REC114: variants seen among roughly 807,000 people sequenced by gnomAD.
The protein encoded by REC114 is meiotic recombination protein REC114.
A neutral mutation model predicts 31.3 loss-of-function variants in REC114; 27 were observed. That is an observed-to-expected ratio of 0.86 (90% CI 0.64 to 1.19). REC114 has a LOEUF of 1.19. REC114 is among the 50% of genes most tolerant of loss of function. REC114 has a pLI of 0.00. For missense variants in REC114, 344 were observed against 326.9 expected (o/e 1.05, Z -0.40); for synonymous variants, 134 against 127.7 (o/e 1.05, Z -0.33).
chr15:73,551,253 T>A (rs528269295), intron 4 of REC114, 103 bp downstream of exon 4: 1 of 1,144,074 alleles, frequency 8.7e-7, no homozygotes, highest in Admixed American at 2.3e-5. Context: ...AGGTTTGTAG[T>A]TTAAAAAACA....
intron 3 of REC114, among the ~76,000 whole-genome samples, chr15:73,546,522 A>G (rs191966980): frequency 6.6e-6 from 1 of 152,320 alleles, no homozygotes; most frequent in Non-Finnish European, 1.5e-5. Context: ...AATGAGGTAT[A>G]CTTCTATTTT....
intron 2 of REC114, among the ~76,000 whole-genome samples, chr15:73,513,436 C>G (rs1893805967): frequency 6.7e-6 from 1 of 148,782 alleles, no homozygotes; most frequent in Non-Finnish European, 1.5e-5. Context: ...AAGCCTTCTT[C>G]TCTCAGCTCG....
intron 1 of REC114, among the ~76,000 whole-genome samples, chr15:73,455,099 C>T (rs1892898372): frequency 6.6e-6 from 1 of 152,086 alleles, no homozygotes; most frequent in Non-Finnish European, 1.5e-5. Context: ...TGATCAGTTT[C>T]AGCCTAGGTC....
chr15:73,524,791 G>GT (rs1289511683), intron 2 of REC114, among the ~76,000 whole-genome samples: 1 of 152,072 alleles, frequency 6.6e-6, no homozygotes, highest in East Asian at 1.9e-4. Context: ...TAGAAATGGG[G>GT]TTTTGCCATG....
At chr15:73,486,021 C>A (rs1474004898) in intron 2 of REC114, among the ~76,000 whole-genome samples, 1 of 152,198 alleles carries the variant, frequency 6.6e-6, no homozygotes, top group African/African-American at 2.4e-5. Flanking sequence ...AACTTCAGCT[C>A]TTATGCAATA....
At chr15:73,448,497 G>A (rs560911987) in intron 1 of REC114, among the ~76,000 whole-genome samples, 1 of 152,296 alleles carries the variant, frequency 6.6e-6, no homozygotes, top group African/African-American at 2.4e-5. Flanking sequence ...CAGCAGCCCA[G>A]TCAGGGACTT....
At chr15:73,464,688 T>G (rs866527205) in intron 1 of REC114, among the ~76,000 whole-genome samples, 8 of 152,106 alleles carry the variant, frequency 5.3e-5, no homozygotes, top group African/African-American at 1.9e-4. Flanking sequence ...GAGCACATAG[T>G]CTGGTCTGCC....
At chr15:73,499,158 G>A (rs1230837256) in intron 2 of REC114, among the ~76,000 whole-genome samples, 4 of 151,938 alleles carry the variant, frequency 2.6e-5, no homozygotes, top group East Asian at 3.9e-4. Context: ...CTCTTAAGGC[G>A]TTAACACTTC....
At chr15:73,556,123 G>A (rs1894462780) in intron 4 of REC114, among the ~76,000 whole-genome samples, 179 bp from the exon 5 acceptor site, 1 of 152,238 alleles carries the variant, frequency 6.6e-6, no homozygotes, top group Admixed American at 6.5e-5. Context: ...TACTTCTGCT[G>A]TGGTAACTCA....
At chr15:73,523,862 G>A (rs1424692434) in intron 2 of REC114, among the ~76,000 whole-genome samples, 2 of 152,122 alleles carry the variant, frequency 1.3e-5, no homozygotes, top group Admixed American at 6.6e-5. Flanking sequence ...GTTAATCTTT[G>A]TGTATGATGT....
chr15:73,501,734 C>T (rs1475087703), intron 2 of REC114, among the ~76,000 whole-genome samples: 2 of 152,140 alleles, frequency 1.3e-5, no homozygotes, highest in African/African-American at 2.4e-5. Flanking sequence ...TGTGAGCCAC[C>T]ATGCCTGGCC....
chr15:73,463,445 A>G (rs111459379), intron 1 of REC114, among the ~76,000 whole-genome samples: 51 of 152,174 alleles, frequency 3.4e-4, no homozygotes, highest in Non-Finnish European at 5.6e-4. Flanking sequence ...ACATCCCCTT[A>G]TCTATTAGAG....
At chr15:73,468,919 A>C (rs1302118901) in intron 1 of REC114, among the ~76,000 whole-genome samples, 1 of 152,006 alleles carries the variant, frequency 6.6e-6, no homozygotes, top group African/African-American at 2.4e-5. Flanking sequence ...TGAGTAAATA[A>C]GAATATTTGG....
intron 2 of REC114, among the ~76,000 whole-genome samples, chr15:73,494,299 C>T (rs1016414152): frequency 6.6e-6 from 1 of 152,116 alleles, no homozygotes; most frequent in African/African-American, 2.4e-5. Flanking sequence ...GATCTCGCTA[C>T]TGCACTCCAG....
intron 4 of REC114, among the ~76,000 whole-genome samples, chr15:73,555,956 C>T (rs1732351115): frequency 6.6e-6 from 1 of 152,140 alleles, no homozygotes; most frequent in Non-Finnish European, 1.5e-5. Context: ...GCCATGGTAA[C>T]AGCACCGGGC....
At chr15:73,462,959 C>T (rs998821797) in intron 1 of REC114, among the ~76,000 whole-genome samples, 3 of 151,672 alleles carry the variant, frequency 2.0e-5, no homozygotes, top group African/African-American at 7.3e-5. Flanking sequence ...ACTTCCTTCT[C>T]ATCATGTTAT....
At chr15:73,555,092 G>T (rs1430472004) in intron 4 of REC114, among the ~76,000 whole-genome samples, 1 of 151,890 alleles carries the variant, frequency 6.6e-6, no homozygotes, top group South Asian at 2.1e-4. Context: ...CCTCTTTTTT[G>T]TTGTTGTTTG....
intron 2 of REC114, among the ~76,000 whole-genome samples, chr15:73,489,850 G>T (rs7163096): frequency 1.3e-5 from 2 of 152,088 alleles, no homozygotes; most frequent in Admixed American, 1.3e-4. Context: ...AACAACAGTG[G>T]TGGTTTATCT....
intron 1 of REC114, among the ~76,000 whole-genome samples, chr15:73,444,195 T>C (rs983098782): frequency 6.6e-6 from 1 of 152,146 alleles, no homozygotes; most frequent in Non-Finnish European, 1.5e-5. Context: ...AAGATTGGGG[T>C]TGCTGTGGCA....
Sources: allele counts gnomAD v4.1 joint callset (sites outside exome capture counted in the v4.1 genomes callset), GRCh38; gene constraint gnomAD v4.1.1; transcripts MANE v1.5; gene names NCBI Gene and HGNC (gene_info 2026-07-23, HGNC 2026-07-21).